The following CEP152 variants were observed in gnomAD, a reference collection of about 807,000 sequenced individuals.
CEP152 encodes the protein centrosomal protein of 152 kDa.
Under a neutral mutation model 188.9 loss-of-function variants are expected in CEP152, and 132 were observed. That is an observed-to-expected ratio of 0.70 (90% CI 0.61 to 0.81). The LOEUF (loss-of-function observed/expected upper bound fraction) is 0.81, where lower values mean the gene tolerates loss of function less well. Among genes scored for constraint, CEP152 ranks in the 30% least tolerant of loss-of-function variants. The pLI is 0.00. For synonymous variants in CEP152, 649 were observed against 666.6 expected (o/e 0.97, Z 0.41); for missense variants, 1,914 against 1,969.8 (o/e 0.97, Z 0.54).
chr15:48,775,789 G>C (rs1158479507), intron 12 of CEP152, among the ~76,000 whole-genome samples: 1 of 152,036 alleles, frequency 6.6e-6, no homozygotes, highest in Non-Finnish European at 1.5e-5. Context: ...GTTTCTTTGG[G>C]GGGATGTTGA....
chr15:48,802,359 T>C (rs1054907442), intron 2 of CEP152, among the ~76,000 whole-genome samples: 1 of 152,144 alleles, frequency 6.6e-6, no homozygotes, highest in African/African-American at 2.4e-5. Context: ...AGGAGAAACA[T>C]AAGTAATGTG....
At position 48,756,210 on chromosome 15, in the gene CEP152, TC is replaced by T. The variant is rs1894247752; in HGVS notation, c.3037del (p.Glu1013ArgfsTer8). On this transcript the variant is annotated frameshift_variant, in exon 20 of 27. Coordinates refer to ENST00000380950, the MANE Select transcript of CEP152 (RefSeq NM_001194998.2). LOFTEE classifies it high-confidence loss of function. ...KQKTELLLQK[E>X]TELQTCLDQS... is the part of the protein sequence containing the mutation. ...GTCTAGACAAGTTTGTAATTCTGTCTCCTTCTGAAGAAGTAGTTCAGTTTTT... is the reference window on the plus strand; with the variant it reads ...GTCTAGACAAGTTTGTAATTCTGTCTCTTCTGAAGAAGTAGTTCAGTTTTT... 1 of 1,613,516 alleles carries T rather than the reference TC, an allele frequency of 6.2e-7. No homozygotes were observed. The highest frequency in any genetic ancestry group is 1.3e-5 in the African/African-American group (1 of 74,924).
Position 48,793,317 on chromosome 15 carries a change from T to C in CEP152, c.832+4A>G, listed in dbSNP as rs761780874. On this transcript the variant is annotated splice_donor_region_variant and intron_variant, in intron 7 of 26. Transcript: ENST00000380950. The stretch of plus-strand genomic sequence containing the variant: ...CTCATAAATGACAGCATCCAGCATC[T>C]TACCTTTTATTATTACAAGCTGGTG... The C allele has an allele frequency of 5.0e-6, 8 of 1,613,772 alleles. No individual in the cohort carries two copies. Among genetic ancestry groups the C allele is most frequent in the African/African-American group, 1.3e-5 (1 of 75,050 alleles).
intron 2 of CEP152, chr15:48,729,509 C>T (rs1363943986): frequency 6.6e-6 from 1 of 151,922 alleles, no homozygotes; most frequent in Admixed American, 6.6e-5. Context: ...CAACTGCTCT[C>T]CAGCCTGGGT....
chr15:48,790,160 T>C (rs1289549603), intron 8 of CEP152, among the ~76,000 whole-genome samples: 1 of 152,360 alleles, frequency 6.6e-6, no homozygotes, highest in East Asian at 1.9e-4. Context: ...TTTATTCCAA[T>C]ACTGCTTTCA....
chr15:48,731,243 T>C (rs1483108324), intron 2 of CEP152, among the ~76,000 whole-genome samples: 1 of 152,216 alleles, frequency 6.6e-6, no homozygotes. Flanking sequence ...CACTGTATTG[T>C]GCACTTAAAA....
chr15:48,752,218 A>T, intron 21 of CEP152, 131 bp downstream of exon 21: 4 of 1,475,824 alleles, frequency 2.7e-6, no homozygotes, highest in Non-Finnish European at 3.7e-6. Context: ...GAAATCTAGG[A>T]AGAGGGGACA....
Position 48,758,587 on chromosome 15 carries a change from C to T in CEP152, c.2694+1548G>A, listed in dbSNP as rs191910659. Among the ~76,000 whole-genome samples the T allele has an allele frequency of 4.6e-5, 7 of 151,938 alleles. No individual in the cohort carries two copies. The East Asian group carries it at 1.2e-3, about 25-fold the overall frequency. On this transcript the variant is annotated intron_variant, in intron 19 of 26. Coordinates refer to ENST00000380950, the MANE Select transcript of CEP152 (RefSeq NM_001194998.2). ...TACAAAAATTAGCCAGGCGAGGTAG[C>T]GGGCACCTATAATCCCAGCTACTTG... is the stretch of plus-strand genomic sequence containing the variant.
intron 19 of CEP152, 48 bp downstream of exon 19, chr15:48,760,087 G>C: frequency 6.2e-7 from 1 of 1,611,970 alleles, no homozygotes; most frequent in Non-Finnish European, 8.5e-7. Flanking sequence ...TAAGAGAAGG[G>C]GTCAGGTAAG....
At position 48,796,005 on chromosome 15, in the gene CEP152, C is replaced by A; in HGVS notation, c.691+5G>T. The A allele has an allele frequency of 6.2e-7, 1 of 1,612,954 alleles. No homozygotes were observed. The highest frequency in any genetic ancestry group is 8.5e-7 in the Non-Finnish European group (1 of 1,179,144). On this transcript the variant is annotated splice_donor_5th_base_variant and intron_variant, in intron 6 of 26. Coordinates refer to ENST00000380950, the MANE Select transcript of CEP152 (RefSeq NM_001194998.2). ...TTAAAAAATAAATATAAACTTGATA[C>A]CTACTCTCATTAGCTCCTAAAAATT...
At chr15:48,764,712 C>G (rs1490496634) in intron 17 of CEP152, among the ~76,000 whole-genome samples, 3 of 152,156 alleles carry the variant, frequency 2.0e-5, no homozygotes, top group African/African-American at 7.2e-5. Flanking sequence ...GAGGAAAGTT[C>G]TGTGTGCTAC....
Position 48,782,152 on chromosome 15 carries a change from T to C in CEP152, c.1400A>G (p.Asn467Ser), listed in dbSNP as rs1896294413. 2 of 1,613,724 alleles carry C rather than the reference T, an allele frequency of 1.2e-6. No homozygotes were observed. Among genetic ancestry groups the C allele is most frequent in the East Asian group, 2.2e-5 (1 of 44,884 alleles). Reference protein sequence around the residue: ...QKAHAMSANMNKALQEELTEL... With the variant: ...QKAHAMSANMSKALQEELTEL... ...GGCAACACTCACTTGCAAAGCCTTGTTCATGTTTGCACTCATAGCATGTGC... is the reference window on the plus strand; with the variant it reads ...GGCAACACTCACTTGCAAAGCCTTGCTCATGTTTGCACTCATAGCATGTGC... Residue 467 changes from asparagine (N) to serine (S), a missense_variant, in exon 11 of 27, where the codon AAC (asparagine) becomes AGC (serine). Coordinates refer to ENST00000380950, the MANE Select transcript of CEP152 (RefSeq NM_001194998.2).
chr15:48,751,311 A>G (rs1285410218), intron 21 of CEP152, among the ~76,000 whole-genome samples: 1 of 152,154 alleles, frequency 6.6e-6, no homozygotes, highest in African/African-American at 2.4e-5. Flanking sequence ...CTACCCATTC[A>G]TTTCACAGAT....
Position 48,772,616 on chromosome 15 carries a change from C to T in CEP152, c.1653G>A (p.Gln551=). Residue 551 remains glutamine, a synonymous_variant, in exon 13 of 27, where the codon CAG becomes CAA. Transcript: ENST00000380950. The part of the protein sequence containing the change: ...EFILKLKAEV[Q]RLLGSNSMKR... The stretch of plus-strand genomic sequence containing the variant: ...TCATTGAGTTGCTACCCAGCAAACG[C>T]TGTACTTCTGCCTTTAACTTCAGAA... The T allele has an allele frequency of 1.2e-6, 2 of 1,614,120 alleles. No homozygotes were observed. The highest frequency in any genetic ancestry group is 2.2e-5 in the South Asian group (2 of 91,088).
chr15:48,778,443 T>C (rs533711051), intron 12 of CEP152, among the ~76,000 whole-genome samples: 2 of 152,334 alleles, frequency 1.3e-5, no homozygotes, highest in East Asian at 3.9e-4. Context: ...GAAGCCAAAA[T>C]ATCATCTAAT....
intron 8 of CEP152, among the ~76,000 whole-genome samples, chr15:48,790,337 T>C (rs893794728): frequency 2.6e-5 from 4 of 152,184 alleles, no homozygotes; most frequent in Non-Finnish European, 4.4e-5. Flanking sequence ...CAGATAGTTA[T>C]AGAGTAATAG....
chr15:48,762,437 A>G lies in CEP152; in HGVS notation c.2516T>C (p.Leu839Pro). Residue 839 changes from leucine (L) to proline (P), a missense_variant, in exon 18 of 27, where the codon CTC (leucine) becomes CCC (proline). By Grantham distance (98) the Leu-to-Pro change is moderately conservative (BLOSUM62 -3). Coordinates refer to ENST00000380950, the MANE Select transcript of CEP152 (RefSeq NM_001194998.2). The stretch of plus-strand genomic sequence containing the variant: ...ATGTTTGAGTTCCAATTCAATTTCG[A>G]GTTTCTTCATAGCCCCCTTGATGGC... ...DIAIKGAMKK[L>P]EIELELKHCE... The G allele has an allele frequency of 6.2e-7, 1 of 1,613,984 alleles. No individual in the cohort carries two copies. The highest frequency in any genetic ancestry group is 8.5e-7 in the Non-Finnish European group (1 of 1,179,956).
Position 48,805,731 on chromosome 15 carries a change from C to T in CEP152, c.-7-75G>A, listed in dbSNP as rs1897946721. On this transcript the variant is annotated intron_variant, in intron 1 of 26. Coordinates refer to ENST00000380950, the MANE Select transcript of CEP152 (RefSeq NM_001194998.2). ...CCAGGACAAACTACATAAGAGATGC[C>T]ATACATACACAAAGTGAAAAGACAG... 2.5e-6 allele frequency: 4 copies of T among 1,582,810 alleles called. No homozygotes were observed. The South Asian group carries it at 4.5e-5, about 18-fold the overall frequency.
intron 21 of CEP152, among the ~76,000 whole-genome samples, chr15:48,748,942 T>C (rs1790329718): frequency 6.6e-6 from 1 of 152,002 alleles, no homozygotes; most frequent in African/African-American, 2.4e-5. Context: ...CTTCAAGAAA[T>C]GGCTGACTCC....
Sources: gnomAD v4.1 joint callset for allele counts (sites outside exome capture counted in the v4.1 genomes callset) on GRCh38, gnomAD v4.1.1 for gene constraint, MANE v1.5 for transcripts, NCBI Gene and HGNC (gene_info 2026-07-23, HGNC 2026-07-21) for gene names.